The following PTPRN2 variants were observed in gnomAD, a reference collection of about 807,000 sequenced individuals.
The protein encoded by PTPRN2 is protein tyrosine phosphatase receptor type N2.
A neutral mutation model predicts 118.8 loss-of-function variants in PTPRN2; 74 were observed. That is an observed-to-expected ratio of 0.62 (90% CI 0.52 to 0.76). The LOEUF is 0.76. Among genes scored for constraint, PTPRN2 ranks in the 30% least tolerant of loss-of-function variants. The pLI, the probability that PTPRN2 is intolerant of heterozygous loss-of-function variation, is 0.00. For missense variants in PTPRN2, 1,481 were observed against 1,394.4 expected (o/e 1.06, Z -0.99); for synonymous variants, 641 against 608.0 (o/e 1.05, Z -0.80).
At chr7:158,522,887 G>A (rs2129447991) in intron 1 of PTPRN2, among the ~76,000 whole-genome samples, 2 of 152,304 alleles carry the variant, frequency 1.3e-5, no homozygotes, top group East Asian at 3.9e-4. Context: ...TGTGGAGCTG[G>A]AGAGAACAGA....
chr7:158,034,768 G>A (rs905227990), intron 11 of PTPRN2, among the ~76,000 whole-genome samples: 8 of 152,192 alleles, frequency 5.3e-5, no homozygotes, highest in South Asian at 2.1e-4. Context: ...GGGCTGAGTC[G>A]AGTTGCATCG....
intron 16 of PTPRN2, among the ~76,000 whole-genome samples, chr7:157,595,528 AAGGTTAGGAAGCCAGG>A (rs1563245427): frequency 3.2e-5 from 2 of 62,256 alleles, no homozygotes; most frequent in African/African-American, 1.6e-4. Context: ...AGGAAGCCAG[AAGGTTAGGAAGCCAGG>A]AGGTTAGGAA....
chr7:158,125,879 C>T (rs1043925912), intron 9 of PTPRN2, among the ~76,000 whole-genome samples: 8 of 152,162 alleles, frequency 5.3e-5, no homozygotes, highest in Non-Finnish European at 1.2e-4. Context: ...GTCCGGACCT[C>T]GGCTGCACCC....
intron 2 of PTPRN2, among the ~76,000 whole-genome samples, chr7:158,332,686 A>G (rs374113965): frequency 8.7e-6 from 1 of 114,804 alleles, no homozygotes; most frequent in Non-Finnish European, 1.8e-5. Flanking sequence ...CCCACACTCT[A>G]ACCATAAGAG....
At chr7:158,246,362 C>A (rs1796247656) in intron 3 of PTPRN2, among the ~76,000 whole-genome samples, 1 of 151,408 alleles carries the variant, frequency 6.6e-6, no homozygotes, top group African/African-American at 2.4e-5. Context: ...GAGAGAGAAA[C>A]AGAGGCTTAA....
chr7:157,716,274 TCA>T lies in PTPRN2; in HGVS notation c.1789-33339_1789-33338del, dbSNP rs551315557. Among the ~76,000 whole-genome samples the T allele has an allele frequency of 9.3e-4, 113 of 121,378 alleles. 9 individuals carry two copies. Among genetic ancestry groups the T allele is most frequent in the African/African-American group, 3.2e-3 (102 of 31,870 alleles). 79.6% of individuals were successfully genotyped at this position (121,378 alleles called of 152,430 possible). A position where few individuals can be genotyped will look rare whatever the true frequency, so the allele number is the denominator to read the frequency against. ...AAGACTCTGCGGGAACACTGCCTGG[TCA>T]CACAGACTCTGCAGGAACACTGCCT... On this transcript the variant is annotated intron_variant, in intron 12 of 22. Coordinates refer to ENST00000389418, the MANE Select transcript of PTPRN2 (RefSeq NM_002847.5).
chr7:158,191,900 G>A (rs1394058458), intron 5 of PTPRN2, among the ~76,000 whole-genome samples: 1 of 152,134 alleles, frequency 6.6e-6, no homozygotes. Flanking sequence ...GGATGCAGTA[G>A]TTGCACCTGG....
At chr7:157,584,412 C>T (rs1298134080) in intron 17 of PTPRN2, among the ~76,000 whole-genome samples, 5 of 151,992 alleles carry the variant, frequency 3.3e-5, no homozygotes, top group African/African-American at 9.7e-5. Context: ...TCTAAGAGGC[C>T]GTTTGGATAT....
At chr7:157,586,480 C>T (rs1751311900) in intron 17 of PTPRN2, among the ~76,000 whole-genome samples, 1 of 152,200 alleles carries the variant, frequency 6.6e-6, no homozygotes, top group African/African-American at 2.4e-5. Context: ...GGAGCCAGAC[C>T]ACTTAAGGTA....
intron 15 of PTPRN2, 111 bp downstream of exon 15, chr7:157,621,251 C>CCCA (rs368555954): frequency 0.013 from 18,412 of 1,406,284 alleles, 34 homozygotes; most frequent in East Asian, 0.031. Flanking sequence ...CGGCCAGTTT[C>CCCA]CTCCGCCCGG....
intron 12 of PTPRN2, among the ~76,000 whole-genome samples, chr7:157,892,439 AG>A (rs1004824910): frequency 6.6e-5 from 10 of 152,210 alleles, no homozygotes; most frequent in Non-Finnish European, 2.9e-5. Context: ...CCCATCTATG[AG>A]GGGTGTGTAT....
chr7:158,532,581 A>G (rs917873518), intron 1 of PTPRN2: 4 of 406,424 alleles, frequency 9.8e-6, no homozygotes, highest in Non-Finnish European at 2.0e-5. Flanking sequence ...TTGATCCTAC[A>G]AAGAGGAAAA....
chr7:158,402,373 G>C (rs1178166584), intron 2 of PTPRN2, among the ~76,000 whole-genome samples: 3 of 152,120 alleles, frequency 2.0e-5, no homozygotes, highest in Admixed American at 6.5e-5. Flanking sequence ...ACCTGCCTCA[G>C]AGCTTCACCT....
At chr7:158,280,862 G>A (rs543431380) in intron 3 of PTPRN2, among the ~76,000 whole-genome samples, 1 of 152,334 alleles carries the variant, frequency 6.6e-6, no homozygotes, top group South Asian at 2.1e-4. Flanking sequence ...AGGCCTCACG[G>A]CAGCTGTGCC....
At chr7:158,097,795 A>G (rs1814760198) in intron 10 of PTPRN2, among the ~76,000 whole-genome samples, 1 of 152,224 alleles carries the variant, frequency 6.6e-6, no homozygotes, top group Non-Finnish European at 1.5e-5. Flanking sequence ...ATAAGAAATA[A>G]TGGGATTTAT....
At chr7:158,131,664 G>A (rs376256457) in intron 9 of PTPRN2, among the ~76,000 whole-genome samples, 1,441 of 131,074 alleles carry the variant, frequency 0.011, 21 homozygotes, top group African/African-American at 0.032. Context: ...CACACAAACC[G>A]ATACACATCT....
At chr7:157,970,610 G>A (rs565671427) in intron 11 of PTPRN2, among the ~76,000 whole-genome samples, 5 of 150,672 alleles carry the variant, frequency 3.3e-5, no homozygotes, top group African/African-American at 9.8e-5. Context: ...TGGCAGCAGT[G>A]TGCTTCATTG....
chr7:158,149,500 TG>T, intron 6 of PTPRN2, among the ~76,000 whole-genome samples: 1 of 152,088 alleles, frequency 6.6e-6, no homozygotes, highest in East Asian at 1.9e-4. Flanking sequence ...ATTAACTCAC[TG>T]ATTTTTAAAA....
intron 11 of PTPRN2, among the ~76,000 whole-genome samples, chr7:158,018,825 G>A (rs1286652830): frequency 1.3e-5 from 2 of 151,922 alleles, no homozygotes; most frequent in South Asian, 2.1e-4. Flanking sequence ...GCTGGGCGTC[G>A]TGGTAGGTGC....
Sources: allele counts gnomAD v4.1 joint callset (sites outside exome capture counted in the v4.1 genomes callset), GRCh38; gene constraint gnomAD v4.1.1; transcripts MANE v1.5; gene names NCBI Gene and HGNC (gene_info 2026-07-23, HGNC 2026-07-21).